The following CEP192 variants were observed in gnomAD, a reference collection of about 807,000 sequenced individuals.
CEP192 encodes centrosomal protein of 192 kDa.
A neutral mutation model predicts 271.8 loss-of-function variants in CEP192; 151 were observed. That is an observed-to-expected ratio of 0.56 (90% CI 0.49 to 0.64). The LOEUF is 0.64. Ranked by LOEUF, CEP192 falls within the 30% of genes least tolerant of loss-of-function variation. The pLI is 0.00. For synonymous variants in CEP192, 995 were observed against 1,076.5 expected, an observed-to-expected ratio of 0.92 and a Z score of 1.48; for missense variants, 2,910 against 3,020.5, an observed-to-expected ratio of 0.96 and a Z score of 0.86.
chr18:13,110,987 G>T (rs149274843), intron 40 of CEP192, among the ~76,000 whole-genome samples: 4 of 152,222 alleles, frequency 2.6e-5, no homozygotes, highest in African/African-American at 9.6e-5. Context: ...CCCACATTAG[G>T]GTGGGCCTTC....
chr18:13,089,549 G>A lies in CEP192; in HGVS notation c.6087G>A (p.Glu2029=). The change falls in exon 33 of 45, where the codon GAG becomes GAA. Residue 2029 remains glutamate, a synonymous_variant. Coordinates refer to ENST00000506447, the MANE Select transcript of CEP192 (RefSeq NM_032142.4). ...NINFVEAFQD[E]LLVTEVYDLP... is the part of the protein sequence containing the mutation. ...ATTTTGTTGAAGCATTTCAAGATGA[G>A]CTATTAGTAACTGAAGGTAAGAATT... The A allele has an allele frequency of 1.9e-6, 3 of 1,553,156 alleles. No individual in the cohort carries two copies. Among genetic ancestry groups the A allele is most frequent in the Admixed American group, 1.7e-5 (1 of 57,806 alleles).
intron 11 of CEP192, among the ~76,000 whole-genome samples, chr18:13,032,366 G>A (rs80006255): frequency 8.5e-4 from 129 of 152,002 alleles, no homozygotes; most frequent in African/African-American, 3.0e-3. Context: ...GTAGATTTTG[G>A]GTGATTGTGG....
At chr18:13,065,590 T>C (rs1296234070) in intron 21 of CEP192, among the ~76,000 whole-genome samples, 1 of 152,232 alleles carries the variant, frequency 6.6e-6, no homozygotes, top group Admixed American at 6.5e-5. Flanking sequence ...CTTTAATCAA[T>C]ACTATTCCTA....
At chr18:13,060,280 AT>A (rs2037338590) in intron 21 of CEP192, among the ~76,000 whole-genome samples, 1 of 152,230 alleles carries the variant, frequency 6.6e-6, no homozygotes, top group African/African-American at 2.4e-5. Flanking sequence ...TTGTAACACC[AT>A]GATAAGTGTT....
intron 17 of CEP192, 132 bp from the exon 18 acceptor site, chr18:13,052,787 A>G (rs1045446475): frequency 1.7e-6 from 1 of 600,924 alleles, no homozygotes; most frequent in Non-Finnish European, 2.8e-6. Flanking sequence ...ACAATTTTAG[A>G]TAATTAAGTG....
chr18:13,056,070 G>A lies in CEP192; in HGVS notation c.3480G>A (p.Glu1160=), dbSNP rs139157769. 1.0e-4 allele frequency: 165 copies of A among 1,613,984 alleles called. No homozygotes were observed. The highest frequency in any genetic ancestry group is 4.9e-4 in the Middle Eastern group (3 of 6,084). The change falls in exon 19 of 45, where the codon GAG becomes GAA. Residue 1160 remains glutamate, a synonymous_variant. Coordinates refer to ENST00000506447, the MANE Select transcript of CEP192 (RefSeq NM_032142.4). The stretch of plus-strand genomic sequence containing the variant: ...AGGTAGGTTGGACATCAAACCCTGA[G>A]GAATTGGACCCGATCAGGCTGGCTC... ...TSEVGWTSNP[E]ELDPIRLALL...
At chr18:13,052,269 A>G (rs911883880) in intron 17 of CEP192, among the ~76,000 whole-genome samples, 22 of 152,162 alleles carry the variant, frequency 1.4e-4, no homozygotes, top group Non-Finnish European at 4.4e-5. Context: ...CAAGGCTAGA[A>G]CAGCATGCTT....
In CEP192 at chr18:13,114,577, A is replaced by C. The variant is rs138363448; in HGVS notation, c.7289+326A>C. 2.6e-5 allele frequency among the ~76,000 whole-genome samples: 4 copies of C among 152,204 alleles called. No individual in the cohort carries two copies. In the East Asian group the frequency reaches 7.7e-4, roughly 29 times the overall value. ...ATGTTATTGAATGTACCTATAGTTC[A>C]TTCCTTTTTATTGTTTAGTATTCCA... On this transcript the variant is annotated intron_variant, in intron 42 of 44. Transcript: ENST00000506447.
chr18:13,053,103 T>A lies in CEP192; in HGVS notation c.3189+13T>A. 1 of 1,592,224 alleles carries A rather than the reference T, an allele frequency of 6.3e-7. No individual in the cohort carries two copies. Among genetic ancestry groups the A allele is most frequent in the Non-Finnish European group, 8.6e-7 (1 of 1,167,804 alleles). On this transcript the variant is annotated intron_variant, in intron 18 of 44. Coordinates refer to ENST00000506447, the MANE Select transcript of CEP192 (RefSeq NM_032142.4). Reference sequence around the variant, plus strand: ...GGAGGACCGCAAGGTGGGCAGCCACTTGGATTATTTATTACTAAGGCTTTC... The same window carrying A: ...GGAGGACCGCAAGGTGGGCAGCCACATGGATTATTTATTACTAAGGCTTTC...
intron 14 of CEP192, among the ~76,000 whole-genome samples, chr18:13,041,543 A>C (rs1032201822): frequency 6.2e-5 from 9 of 144,624 alleles, no homozygotes; most frequent in African/African-American, 1.5e-4. Flanking sequence ...GCACCCACTT[A>C]TTTCTTTCTT....
intron 3 of CEP192, among the ~76,000 whole-genome samples, chr18:13,002,834 T>C (rs1293648999): frequency 6.6e-6 from 1 of 152,244 alleles, no homozygotes; most frequent in African/African-American, 2.4e-5. Flanking sequence ...CCTACTTTAA[T>C]GTCTATTCAT....
chr18:13,014,134 G>T (rs749015045), intron 5 of CEP192, among the ~76,000 whole-genome samples: 69 of 152,192 alleles, frequency 4.5e-4, no homozygotes, highest in Non-Finnish European at 8.8e-4. Flanking sequence ...TGTTGACCCT[G>T]CCCTATGCAC....
chr18:13,109,448 T>C (rs1253431914), intron 40 of CEP192, among the ~76,000 whole-genome samples: 1 of 152,100 alleles, frequency 6.6e-6, no homozygotes, highest in Non-Finnish European at 1.5e-5. Context: ...AGTACCTGGG[T>C]GATGGGATCA....
At chr18:13,072,910 A>G (rs1246108629) in intron 29 of CEP192, 65 bp downstream of exon 29, 6 of 1,534,410 alleles carry the variant, frequency 3.9e-6, no homozygotes, top group Non-Finnish European at 5.4e-6. Context: ...GCATATGCAG[A>G]CCTTTTTGTG....
In CEP192 at chr18:13,030,510, G is replaced by A; in HGVS notation, c.1436G>A (p.Arg479Lys). The A allele has an allele frequency of 6.2e-7, 1 of 1,612,638 alleles. No homozygotes were observed. Among genetic ancestry groups the A allele is most frequent in the South Asian group, 1.1e-5 (1 of 90,972 alleles). ...QSVVYQNEEG[R>K]WVTDLAYYTS... ...GTGGTCTATCAAAATGAAGAGGGTA[G>A]GTGGGTCACAGACCTTGCCTATTAC... The change falls in exon 11 of 45, where the codon AGG becomes AAG. Residue 479 changes from arginine to lysine, a missense_variant. Physicochemically the swap from Arg to Lys is conservative, Grantham distance 26. Coordinates refer to ENST00000506447, the MANE Select transcript of CEP192 (RefSeq NM_032142.4).
Position 13,069,810 on chromosome 18 carries a change from G to A in CEP192, c.5128G>A (p.Val1710Ile). Reference protein sequence around the residue: ...LLLKPGEEHEVIVSFTPKDPE... With the variant: ...LLLKPGEEHEIIVSFTPKDPE... ...CCTTAAACCTGGAGAAGAACATGAG[G>A]TTATTGTTTCATTTACTCCAAAGGA... The change falls in exon 27 of 45, where the codon GTT (valine) becomes ATT (isoleucine). Residue 1710 changes from valine to isoleucine, a missense_variant. Val to Ile is a conservative substitution (Grantham distance 29). Coordinates refer to ENST00000506447, the MANE Select transcript of CEP192 (RefSeq NM_032142.4). 6.2e-7 allele frequency: 1 copy of A among 1,605,296 alleles called. No individual in the cohort carries two copies. The highest frequency in any genetic ancestry group is 1.1e-5 in the South Asian group (1 of 90,816).
chr18:13,106,661 CA>C (rs1366229611), intron 40 of CEP192, among the ~76,000 whole-genome samples: 6 of 151,204 alleles, frequency 4.0e-5, no homozygotes, highest in African/African-American at 1.5e-4. Flanking sequence ...ATACCCCACA[CA>C]GGTACCACCA....
chr18:13,043,336 CT>C (rs2036309623), intron 15 of CEP192, among the ~76,000 whole-genome samples: 1 of 152,106 alleles, frequency 6.6e-6, no homozygotes, highest in Admixed American at 6.6e-5. Flanking sequence ...TGCCTTTTCA[CT>C]TTTTTAATGG....
intron 4 of CEP192, among the ~76,000 whole-genome samples, chr18:13,011,444 A>T (rs183919539): frequency 1.3e-5 from 2 of 152,164 alleles, no homozygotes; most frequent in African/African-American, 4.8e-5. Context: ...TTGTGTTACC[A>T]TGTGACTCCG....
Sources: allele counts gnomAD v4.1 joint callset (sites outside exome capture counted in the v4.1 genomes callset), GRCh38; gene constraint gnomAD v4.1.1; transcripts MANE v1.5; gene names NCBI Gene and HGNC (gene_info 2026-07-23, HGNC 2026-07-21).